TRERF1: variants seen among roughly 807,000 people sequenced by gnomAD.
TRERF1 encodes the protein transcriptional-regulating factor 1.
Under a neutral mutation model 122.9 loss-of-function variants are expected in TRERF1, and 27 were observed. The ratio of observed to expected loss-of-function variants is 0.22; its 90% CI spans 0.16 to 0.30. The LOEUF is 0.30. Among genes scored for constraint, TRERF1 ranks in the 10% least tolerant of loss-of-function variants. The pLI is 1.00. For synonymous variants in TRERF1, 636 were observed against 641.7 expected (o/e 0.99, Z 0.13); for missense variants, 1,248 against 1,560.3 (o/e 0.80, Z 3.37).
intron 14 of TRERF1, among the ~76,000 whole-genome samples, chr6:42,243,879 C>CTTTT (rs34858601): frequency 0.047 from 5,775 of 123,246 alleles, 231 homozygotes; most frequent in East Asian, 0.084. Flanking sequence ...TGCGCCCAGC[C>CTTTT]TTTTTTTTTT....
chr6:42,410,170 C>G (rs538820863), intron 2 of TRERF1, among the ~76,000 whole-genome samples: 86 of 152,264 alleles, frequency 5.6e-4, no homozygotes, highest in African/African-American at 1.8e-3. Flanking sequence ...GAGACAGGGT[C>G]TCACTCTGTC....
chr6:42,318,660 T>C lies in TRERF1; in HGVS notation c.-370-17911A>G, dbSNP rs202247034. 7.2e-5 allele frequency among the ~76,000 whole-genome samples: 11 copies of C among 152,258 alleles called. No homozygotes were observed. In the East Asian group the frequency reaches 1.5e-3, roughly 21 times the overall value. ...TGAAGGCCAATCCGCTGCCTGTTTA[T>C]GTAAATAAAGCTTTATTAGAACATA... On this transcript the variant is annotated intron_variant, in intron 3 of 17. Coordinates refer to ENST00000372922, the Ensembl canonical transcript of TRERF1.
At chr6:42,274,287 C>G (rs1475723279) in intron 4 of TRERF1, among the ~76,000 whole-genome samples, 3 of 152,176 alleles carry the variant, frequency 2.0e-5, no homozygotes, top group African/African-American at 4.8e-5. Context: ...AGTCTCTCCA[C>G]ATTACAGATG....
At position 42,441,089 on chromosome 6, in the gene TRERF1, G is replaced by A. The variant is rs970756473; in HGVS notation, c.-454+10088C>T. Reference sequence around the variant, plus strand: ...TTCTCTCCTTTCCCCTCCCCAACTCGAGCTCTCCCAGTAAATGCTGTTCCC... The same window carrying A: ...TTCTCTCCTTTCCCCTCCCCAACTCAAGCTCTCCCAGTAAATGCTGTTCCC... On this transcript the variant is annotated intron_variant, in intron 2 of 17. Transcript: ENST00000372922. 2.0e-5 allele frequency among the ~76,000 whole-genome samples: 3 copies of A among 151,756 alleles called. No individual in the cohort carries two copies. The East Asian group carries it at 5.8e-4, about 29-fold the overall frequency.
At chr6:42,403,636 T>C (rs1779739420) in intron 2 of TRERF1, among the ~76,000 whole-genome samples, 2 of 152,182 alleles carry the variant, frequency 1.3e-5, no homozygotes, top group African/African-American at 4.8e-5. Context: ...CGGTATGTAG[T>C]ACTTTGTTTC....
rs1012706650 is a variant in TRERF1, at chr6:42,257,890, AGACGCAGG to A, written c.2336+237_2336+244del. ...ATGAGAAAGCACTGCCTGTGGAGCC[AGACGCAGG>A]GACGCTAGGCTCTCTGAATACAGGG... is the stretch of plus-strand genomic sequence containing the variant. On this transcript the variant is annotated intron_variant, in intron 10 of 17. Transcript: ENST00000372922. Among the ~76,000 whole-genome samples the A allele has an allele frequency of 1.1e-4, 16 of 152,366 alleles. No individual in the cohort carries two copies. In the East Asian group the frequency reaches 2.9e-3, roughly 28 times the overall value.
intron 2 of TRERF1, among the ~76,000 whole-genome samples, chr6:42,428,011 G>A (rs985923200): frequency 2.5e-4 from 38 of 152,262 alleles, no homozygotes; most frequent in Admixed American, 2.0e-3. Flanking sequence ...CTTGCAGTGG[G>A]AAACAGCTGG....
At chr6:42,293,205 C>T (rs1337306780) in intron 4 of TRERF1, among the ~76,000 whole-genome samples, 2 of 152,238 alleles carry the variant, frequency 1.3e-5, no homozygotes, top group Admixed American at 6.5e-5. Context: ...CAATCTAACC[C>T]TGACAGTTTG....
rs1769917685 is a variant in TRERF1 at position 42,228,673 on chromosome 6, A to C, written c.3279-4T>G. On this transcript the variant is annotated splice_region_variant and splice_polypyrimidine_tract_variant and intron_variant, in intron 17 of 17. Transcript: ENST00000372922. The surrounding 1 kb of genome is among the most constrained non-coding windows in gnomAD (Gnocchi z 4.2). Reference sequence around the variant, plus strand: ...GCTTTTGATCTTGAAGAAGACTCTAAAAATAAAGAAAGAGAGGTGTGTAGA... The same window carrying C: ...GCTTTTGATCTTGAAGAAGACTCTACAAATAAAGAAAGAGAGGTGTGTAGA... The C allele has an allele frequency of 4.4e-6, 7 of 1,585,248 alleles. No homozygotes were observed. In the East Asian group the frequency reaches 1.3e-4, roughly 30 times the overall value.
chr6:42,231,706 T>C (rs2149479421), intron 17 of TRERF1, among the ~76,000 whole-genome samples: 1 of 152,338 alleles, frequency 6.6e-6, no homozygotes, highest in East Asian at 1.9e-4. Flanking sequence ...TGGAATTCTC[T>C]ACTGGAGGCT....
intron 2 of TRERF1, among the ~76,000 whole-genome samples, chr6:42,416,055 C>A (rs1352786831): frequency 6.6e-6 from 1 of 152,008 alleles, no homozygotes; most frequent in Non-Finnish European, 1.5e-5. Context: ...GATATTTTAT[C>A]TCTTCTGTTG....
chr6:42,389,785 C>A lies in TRERF1; in HGVS notation c.-453-26706G>T, dbSNP rs932650643. 7.9e-5 allele frequency among the ~76,000 whole-genome samples: 12 copies of A among 152,340 alleles called. No homozygotes were observed. The East Asian group carries it at 2.1e-3, about 27-fold the overall frequency. ...AGCTCAAACCCACTCAAAGCCCCTA[C>A]AGAACTAACTCAACCTGAGTTAAGT... On this transcript the variant is annotated intron_variant, in intron 2 of 17. Coordinates refer to ENST00000372922, the Ensembl canonical transcript of TRERF1.
chr6:42,226,245 G>A (rs1769489640), exon 18 of TRERF1: 1 of 152,184 alleles, frequency 6.6e-6, no homozygotes, highest in African/African-American at 2.4e-5. Context: ...GTTTAAAACT[G>A]GAACAGCTGG....
chr6:42,378,891 A>G (rs2151118467), intron 2 of TRERF1, among the ~76,000 whole-genome samples: 1 of 152,264 alleles, frequency 6.6e-6, no homozygotes, highest in East Asian at 1.9e-4. Flanking sequence ...CAAGGCAGGC[A>G]GATTGCTTGA....
intron 2 of TRERF1, among the ~76,000 whole-genome samples, chr6:42,373,304 G>T (rs1487899869): frequency 6.6e-6 from 1 of 152,132 alleles, no homozygotes; most frequent in Admixed American, 6.5e-5. Context: ...AGGCCCAGGT[G>T]GGTGGATCAC....
chr6:42,228,098 G>T lies in TRERF1; in HGVS notation c.*247C>A. 2.5e-6 allele frequency: 1 copy of T among 394,540 alleles called. No individual in the cohort carries two copies. Among genetic ancestry groups the T allele is most frequent in the South Asian group, 4.7e-5 (1 of 21,402 alleles). 24.4% of individuals were successfully genotyped at this position (394,540 alleles called of 1,614,324 possible). A position where few individuals can be genotyped will look rare whatever the true frequency, so the allele number is the denominator to read the frequency against. Reference sequence around the variant, plus strand: ...CTACTGGGAATGATTTCATGAGAAGGTAGCCCAGATGAAACACCTCTTAAA... The same window carrying T: ...CTACTGGGAATGATTTCATGAGAAGTTAGCCCAGATGAAACACCTCTTAAA... On this transcript the variant is annotated 3_prime_UTR_variant, in exon 18 of 18. Transcript: ENST00000372922. The surrounding 1 kb of genome is among the most constrained non-coding windows in gnomAD (Gnocchi z 4.2).
chr6:42,231,670 T>C (rs1250122815), intron 17 of TRERF1, among the ~76,000 whole-genome samples: 1 of 152,200 alleles, frequency 6.6e-6, no homozygotes, highest in African/African-American at 2.4e-5. Flanking sequence ...ACCCTTCCAG[T>C]CAGGTGGACT....
At chr6:42,319,061 T>C (rs1027122612) in intron 3 of TRERF1, among the ~76,000 whole-genome samples, 1 of 152,232 alleles carries the variant, frequency 6.6e-6, no homozygotes, top group Non-Finnish European at 1.5e-5. Flanking sequence ...TCTGTTTCCC[T>C]TCCACCTGAA....
chr6:42,408,153 T>C (rs890279291), intron 2 of TRERF1, among the ~76,000 whole-genome samples: 33 of 150,678 alleles, frequency 2.2e-4, no homozygotes, highest in Admixed American at 1.7e-3. Flanking sequence ...ATAACATGTC[T>C]TATCCATTGG....
Sources: gnomAD v4.1 joint callset for allele counts (sites outside exome capture counted in the v4.1 genomes callset) on GRCh38, gnomAD v4.1.1 for gene constraint, Gnocchi (gnomAD v3.1) non-coding constraint, MANE v1.5 for transcripts, NCBI Gene and HGNC (gene_info 2026-07-23, HGNC 2026-07-21) for gene names.